Variants in ENTREP1 observed in about 807,000 individuals in gnomAD.
The protein encoded by ENTREP1 is endosomal transmembrane epsin interactor 1, also known as Friedreich ataxia region gene X123.
At chr9:69,382,872 C>CT in the ENTREP1 span, 725 of 266,950 alleles carry the variant, frequency 2.7e-3, no homozygotes, top group Non-Finnish European at 3.6e-3. Flanking sequence ...CTTTTGTTCT[C>CT]TTTTTTTTTC....
At chr9:69,328,163 C>T in the ENTREP1 span, among the ~76,000 whole-genome samples, 2 of 152,086 alleles carry the variant, frequency 1.3e-5, no homozygotes, top group East Asian at 3.9e-4. Context: ...CTGCTGCTGG[C>T]CTTGTGTCTT....
chr9:69,388,661 G>A, the ENTREP1 span, among the ~76,000 whole-genome samples: 15 of 152,184 alleles, frequency 9.9e-5, no homozygotes, highest in Non-Finnish European at 4.4e-5. Flanking sequence ...TGGCTCAAGG[G>A]AAGAGAACCC....
chr9:69,345,238 G>A, the ENTREP1 span, among the ~76,000 whole-genome samples: 6 of 152,176 alleles, frequency 3.9e-5, no homozygotes, highest in East Asian at 7.7e-4. Context: ...ATGTCTCAAC[G>A]GTGATACCAA....
chr9:69,359,924 T>C, the ENTREP1 span, among the ~76,000 whole-genome samples: 1 of 152,084 alleles, frequency 6.6e-6, no homozygotes, highest in Non-Finnish European at 1.5e-5. Flanking sequence ...GCATTCTACA[T>C]GTTGGGCACT....
chr9:69,344,074 A>AT, the ENTREP1 span, among the ~76,000 whole-genome samples: 1 of 152,224 alleles, frequency 6.6e-6, no homozygotes, highest in Non-Finnish European at 1.5e-5. Flanking sequence ...AAGCCCTCTG[A>AT]CCAGTCCTGC....
the ENTREP1 span, among the ~76,000 whole-genome samples, chr9:69,351,331 C>A: frequency 2.0e-5 from 3 of 152,050 alleles, no homozygotes; most frequent in South Asian, 6.2e-4. Context: ...ATTTAGTGAG[C>A]TTTTGTGATT....
chr9:69,388,383 A>T, the ENTREP1 span: 8 of 1,613,888 alleles, frequency 5.0e-6, no homozygotes, highest in African/African-American at 9.3e-5. Flanking sequence ...GAAAACATTA[A>T]ATCTGTTTTG....
chr9:69,328,331 A>G, the ENTREP1 span, among the ~76,000 whole-genome samples: 1 of 152,220 alleles, frequency 6.6e-6, no homozygotes, highest in Non-Finnish European at 1.5e-5. Flanking sequence ...TATTTTTATC[A>G]CAAGAAAATA....
chr9:69,383,819 C>A, the ENTREP1 span: 1 of 1,602,404 alleles, frequency 6.2e-7, no homozygotes, highest in South Asian at 1.1e-5. Flanking sequence ...GACAGCACCG[C>A]CCCACCCCCT....
At chr9:69,381,651 C>CAAAAA in the ENTREP1 span, 1 of 151,992 alleles carries the variant, frequency 6.6e-6, no homozygotes, top group Non-Finnish European at 1.5e-5. Flanking sequence ...TAGTTAAAAA[C>CAAAAA]AAAAACAAAA....
At chr9:69,346,397 T>G in the ENTREP1 span, among the ~76,000 whole-genome samples, 4 of 152,334 alleles carry the variant, frequency 2.6e-5, no homozygotes, top group East Asian at 7.7e-4. Context: ...TTTCTTGTTT[T>G]TTAAAAAGTT....
the ENTREP1 span, among the ~76,000 whole-genome samples, chr9:69,367,768 TATATATAAATATATATACACAC>T: frequency 1.5e-3 from 159 of 106,784 alleles, 2 homozygotes; most frequent in Middle Eastern, 5.9e-3. Flanking sequence ...TATATACACA[TATATATAAATATATATACACAC>T]ATATATATAA....
the ENTREP1 span, among the ~76,000 whole-genome samples, chr9:69,389,213 C>T: frequency 6.6e-6 from 1 of 152,106 alleles, no homozygotes; most frequent in Admixed American, 6.6e-5. Flanking sequence ...GACAGCACCC[C>T]ACAATGGCGT....
chr9:69,340,681 GCATGTGTGTGTGTATGTGTGTGTGTA>G, the ENTREP1 span, among the ~76,000 whole-genome samples: 25 of 46,302 alleles, frequency 5.4e-4, no homozygotes, highest in South Asian at 6.5e-4. Context: ...GTGTGTGCAT[GCATGTGTGTGTGTATGTGTGTGTGTA>G]TGTGTGTGTG....
At chr9:69,371,149 GCTGCTGATC>G in the ENTREP1 span, 1,357 of 318,688 alleles carry the variant, frequency 4.3e-3, 9 homozygotes, top group Non-Finnish European at 6.8e-3. Context: ...TTGTTTATTT[GCTGCTGATC>G]CCACAAAACT....
chr9:69,328,579 G>C, the ENTREP1 span, among the ~76,000 whole-genome samples: 1 of 151,850 alleles, frequency 6.6e-6, no homozygotes, highest in African/African-American at 2.4e-5. Context: ...TCAGCCATTA[G>C]TATTTTAGTA....
At chr9:69,376,812 G>A in the ENTREP1 span, among the ~76,000 whole-genome samples, 1 of 152,208 alleles carries the variant, frequency 6.6e-6, no homozygotes, top group African/African-American at 2.4e-5. Flanking sequence ...CGTTTGGAAT[G>A]GCCTTTGCTA....
chr9:69,382,905 G>A, the ENTREP1 span: 1 of 396,346 alleles, frequency 2.5e-6, no homozygotes, highest in African/African-American at 2.2e-5. Flanking sequence ...ATACTCCATA[G>A]CAGAATGCAG....
chr9:69,383,849 G>T, the ENTREP1 span: 4 of 1,584,008 alleles, frequency 2.5e-6, no homozygotes, highest in Non-Finnish European at 3.5e-6. Flanking sequence ...GAACAGCAGG[G>T]AGACCGGGCC....
Sources: gnomAD v4.1 joint callset for allele counts (sites outside exome capture counted in the v4.1 genomes callset) on GRCh38, gnomAD v4.1.1 for gene constraint, MANE v1.5 for transcripts, NCBI Gene and HGNC (gene_info 2026-07-23, HGNC 2026-07-21) for gene names.